Variants in BMP2K observed in about 807,000 individuals in gnomAD.
BMP2K encodes BMP-2-inducible protein kinase.
BMP2K carries 74 observed loss-of-function variants against 116.0 expected under a neutral mutation model. That is an observed-to-expected ratio of 0.64 (90% CI 0.53 to 0.77). The LOEUF is 0.77. BMP2K is among the 30% of genes least tolerant of loss of function. BMP2K has a pLI of 0.00. For synonymous variants in BMP2K, 486 were observed against 502.5 expected, an observed-to-expected ratio of 0.97 and a Z score of 0.44; for missense variants, 1,365 against 1,403.6, an observed-to-expected ratio of 0.97 and a Z score of 0.44.
intron 1 of BMP2K, among the ~76,000 whole-genome samples, chr4:78,792,316 A>G (rs1728041458): frequency 6.6e-6 from 1 of 152,258 alleles, no homozygotes; most frequent in Non-Finnish European, 1.5e-5. Context: ...AATGGGAAAT[A>G]CAAAGCACTT....
At chr4:78,804,016 G>A (rs935643929) in intron 1 of BMP2K, among the ~76,000 whole-genome samples, 3 of 152,058 alleles carry the variant, frequency 2.0e-5, no homozygotes, top group African/African-American at 7.2e-5. Flanking sequence ...ATAAAACTTA[G>A]TGATTTTAGT....
At chr4:78,886,598 G>A (rs1356015773) in intron 14 of BMP2K, among the ~76,000 whole-genome samples, 2 of 152,086 alleles carry the variant, frequency 1.3e-5, no homozygotes, top group South Asian at 2.1e-4. Flanking sequence ...CTTGTTGAAT[G>A]AATCAATAAA....
At chr4:78,862,082 C>A (rs1342576466) in intron 9 of BMP2K, among the ~76,000 whole-genome samples, 1 of 151,882 alleles carries the variant, frequency 6.6e-6, no homozygotes, top group Non-Finnish European at 1.5e-5. Context: ...CTTAGATTAT[C>A]AGACAGGTAT....
chr4:78,793,366 C>T (rs1305445322), intron 1 of BMP2K, among the ~76,000 whole-genome samples: 4 of 147,558 alleles, frequency 2.7e-5, no homozygotes, highest in African/African-American at 5.1e-5. Context: ...GCTGAGATTG[C>T]GCCACTGCAC....
intron 15 of BMP2K, among the ~76,000 whole-genome samples, chr4:78,896,349 T>C (rs72660914): frequency 4.6e-5 from 7 of 152,342 alleles, no homozygotes; most frequent in South Asian, 2.1e-4. Context: ...ATTGTACTTA[T>C]ATTTAAAAAT....
Position 78,845,042 on chromosome 4 carries a change from A to G in BMP2K, c.661A>G (p.Ile221Val). ...TGGAGTTAATGTAGTAGAAGAAGAA[A>G]TTAAAAAGTAAGTATTTGTCTTTAT... ...KDGVNVVEEEIKKYTTLSYRA... is the reference protein window; with the variant it reads ...KDGVNVVEEEVKKYTTLSYRA... The change falls in exon 5 of 16, where the codon ATT becomes GTT. Residue 221 changes from isoleucine (I) to valine (V), a missense_variant. Physicochemically the swap from Ile to Val is conservative, Grantham distance 29. Coordinates refer to ENST00000502613, the MANE Select transcript of BMP2K (RefSeq NM_198892.2). The G allele has an allele frequency of 6.3e-7, 1 of 1,577,310 alleles. No homozygotes were observed. The highest frequency in any genetic ancestry group is 8.7e-7 in the Non-Finnish European group (1 of 1,152,536).
Position 78,865,720 on chromosome 4 carries a change from G to C in BMP2K, c.1231G>C (p.Gly411Arg). 6.2e-7 allele frequency: 1 copy of C among 1,613,724 alleles called. No homozygotes were observed. Among genetic ancestry groups the C allele is most frequent in the Non-Finnish European group, 8.5e-7 (1 of 1,179,742 alleles). The change falls in exon 10 of 16, where the codon GGG becomes CGG. Residue 411 changes from glycine to arginine, a missense_variant and splice_region_variant. Gly to Arg is a moderately radical substitution (Grantham distance 125, BLOSUM62 -2). Around this residue, in one of 3 missense-constraint regions of BMP2K, gnomAD observed 762 missense variants for 756.7 expected, o/e 1.01. Coordinates refer to ENST00000502613, the MANE Select transcript of BMP2K (RefSeq NM_198892.2). Reference sequence around the variant, plus strand: ...TGAATTCGGTAACCATAGACCAAAAGGTAATAGAGCCCCGCCAACCTCATC... The same window carrying C: ...TGAATTCGGTAACCATAGACCAAAACGTAATAGAGCCCCGCCAACCTCATC... ...PGEFGNHRPK[G>R]ALRPGNGPEI...
intron 2 of BMP2K, among the ~76,000 whole-genome samples, chr4:78,830,949 C>T (rs1245911816): frequency 1.3e-5 from 2 of 152,222 alleles, no homozygotes; most frequent in African/African-American, 4.8e-5. Context: ...TAACTTCCTT[C>T]AAGAATTTTT....
intron 15 of BMP2K, among the ~76,000 whole-genome samples, chr4:78,905,341 A>G (rs1734232785): frequency 6.6e-6 from 1 of 151,982 alleles, no homozygotes; most frequent in African/African-American, 2.4e-5. Context: ...AACAGAAATA[A>G]AGAATATCTT....
At chr4:78,902,403 A>G (rs1437088937) in intron 15 of BMP2K, among the ~76,000 whole-genome samples, 1 of 151,738 alleles carries the variant, frequency 6.6e-6, no homozygotes, top group African/African-American at 2.4e-5. Context: ...CTTATACTCA[A>G]ACCCTGTCAC....
chr4:78,903,635 T>C (rs1326531348), intron 15 of BMP2K, among the ~76,000 whole-genome samples: 3 of 151,998 alleles, frequency 2.0e-5, no homozygotes, highest in Non-Finnish European at 4.4e-5. Context: ...AAGTTGAGTA[T>C]TCTTTTGTTT....
chr4:78,881,467 T>C (rs1732879127), intron 14 of BMP2K, among the ~76,000 whole-genome samples: 1 of 152,114 alleles, frequency 6.6e-6, no homozygotes, highest in Non-Finnish European at 1.5e-5. Flanking sequence ...TTGAACCCAC[T>C]CTTTTAGGGT....
rs115665983 is a variant in BMP2K at position 78,797,311 on chromosome 4, A to G, written c.178+20590A>G. The stretch of plus-strand genomic sequence containing the variant: ...GCCAGTCTCCTAAAAGAAAGGAAAA[A>G]AACTTACCCCAAAAGTGATCAAATC... On this transcript the variant is annotated intron_variant, in intron 1 of 15. Coordinates refer to ENST00000502613, the MANE Select transcript of BMP2K (RefSeq NM_198892.2). Among the ~76,000 whole-genome samples, 1,075 of 152,324 alleles carry G rather than the reference A, an allele frequency of 7.1e-3. 5 individuals are homozygous for G. Among genetic ancestry groups the G allele is most frequent in the Non-Finnish European group, 0.012 (839 of 68,034 alleles).
intron 1 of BMP2K, among the ~76,000 whole-genome samples, chr4:78,821,546 C>T (rs1729618015): frequency 6.6e-6 from 1 of 152,150 alleles, no homozygotes; most frequent in African/African-American, 2.4e-5. Context: ...CTTCTATTCC[C>T]ATGCCCCAGA....
At chr4:78,874,376 A>G (rs948898174) in intron 13 of BMP2K, among the ~76,000 whole-genome samples, 1 of 152,252 alleles carries the variant, frequency 6.6e-6, no homozygotes, top group African/African-American at 2.4e-5. Flanking sequence ...AATATAAAGT[A>G]TGAAATGTAA....
intron 15 of BMP2K, among the ~76,000 whole-genome samples, chr4:78,907,220 T>G (rs1171776646): frequency 6.6e-6 from 1 of 152,164 alleles, no homozygotes; most frequent in Non-Finnish European, 1.5e-5. Context: ...ACCCACAGAT[T>G]TATACCCACA....
At chr4:78,837,494 T>C (rs901133319) in intron 3 of BMP2K, among the ~76,000 whole-genome samples, 1 of 152,142 alleles carries the variant, frequency 6.6e-6, no homozygotes, top group African/African-American at 2.4e-5. Context: ...CACTCCCAGC[T>C]TGACTCTTTC....
intron 15 of BMP2K, among the ~76,000 whole-genome samples, chr4:78,896,016 C>T (rs934382635): frequency 8.5e-5 from 13 of 152,178 alleles, no homozygotes; most frequent in African/African-American, 3.1e-4. Flanking sequence ...GCCTTGGCCT[C>T]CCACAATGCT....
intron 3 of BMP2K, among the ~76,000 whole-genome samples, chr4:78,839,986 G>T (rs1484775396): frequency 6.6e-6 from 1 of 151,996 alleles, no homozygotes; most frequent in Non-Finnish European, 1.5e-5. Context: ...GCATCCTTCA[G>T]TCCAATCAAG....
Sources: gnomAD v4.1 joint callset for allele counts (sites outside exome capture counted in the v4.1 genomes callset) on GRCh38, gnomAD v4.1.1 for gene constraint, gnomAD v4.1.1 regional missense constraint, MANE v1.5 for transcripts, NCBI Gene and HGNC (gene_info 2026-07-23, HGNC 2026-07-21) for gene names.